The following MUC13 variants were observed in gnomAD, a reference collection of about 807,000 sequenced individuals.
MUC13 encodes mucin-13.
In MUC13, 32 loss-of-function variants were observed where a neutral mutation model predicts 48.3. The ratio of observed to expected loss-of-function variants is 0.66; its 90% CI spans 0.50 to 0.89. The LOEUF is 0.89. MUC13 is among the 40% of genes least tolerant of loss of function. The probability of loss-of-function intolerance (pLI) is 0.00; values close to 1 mark genes in which losing one functional copy is unlikely to be tolerated. For synonymous variants in MUC13, 199 were observed against 224.9 expected (o/e 0.88, Z 1.03); for missense variants, 571 against 622.8 (o/e 0.92, Z 0.88).
intron 3 of MUC13, 114 bp downstream of exon 3, chr3:124,923,413 C>T: frequency 8.6e-7 from 1 of 1,166,836 alleles, no homozygotes; most frequent in Non-Finnish European, 1.2e-6. Context: ...GTTGCCTCTG[C>T]ATTTTCTTTA....
chr3:124,927,789 G>A lies in MUC13; in HGVS notation c.257C>T (p.Ala86Val). ...ACTATGTGTACTAATTATGGGGGGA[G>A]CAGGTGTAGGAATTGTGGAGGAACT... ...THSSSTIPTP[A>V]PPIISTHSSS... is the part of the protein sequence containing the mutation. The change falls in exon 2 of 12, where the codon GCT (alanine) becomes GTT (valine). Residue 86 changes from alanine (A) to valine (V), a missense_variant. Physicochemically the swap from Ala to Val is moderately conservative, Grantham distance 64. Coordinates refer to ENST00000616727, the MANE Select transcript of MUC13 (RefSeq NM_033049.4). 2 of 1,613,108 alleles carry A rather than the reference G, an allele frequency of 1.2e-6. No individual in the cohort carries two copies. Among genetic ancestry groups the A allele is most frequent in the African/African-American group, 1.3e-5 (1 of 74,646 alleles).
intron 1 of MUC13, among the ~76,000 whole-genome samples, chr3:124,934,416 T>A (rs1935849310): frequency 6.6e-6 from 1 of 152,234 alleles, no homozygotes; most frequent in Admixed American, 6.5e-5. Context: ...TGCCTCGGCC[T>A]CCCATATTGC....
chr3:124,933,974 T>C (rs1024575871), intron 1 of MUC13, among the ~76,000 whole-genome samples: 2 of 152,218 alleles, frequency 1.3e-5, no homozygotes, highest in Non-Finnish European at 2.9e-5. Flanking sequence ...TGGTTTAGCA[T>C]TCTCAAATTC....
intron 9 of MUC13, among the ~76,000 whole-genome samples, chr3:124,911,177 C>G (rs920442454): frequency 6.6e-6 from 1 of 152,172 alleles, no homozygotes; most frequent in African/African-American, 2.4e-5. Context: ...TCATCTGTTT[C>G]TTTTTACTTC....
chr3:124,910,521 G>A (rs777130007), intron 9 of MUC13, 22 bp from the exon 10 acceptor site: 4 of 1,613,576 alleles, frequency 2.5e-6, no homozygotes, highest in Admixed American at 3.3e-5. Flanking sequence ...AAGAAAATAA[G>A]AACAGTCTCC....
At chr3:124,925,724 C>A (rs966982911) in intron 2 of MUC13, among the ~76,000 whole-genome samples, 1 of 152,178 alleles carries the variant, frequency 6.6e-6, no homozygotes, top group African/African-American at 2.4e-5. Context: ...AGTGATACTC[C>A]CACTTCAGCC....
intron 10 of MUC13, 127 bp downstream of exon 10, chr3:124,910,288 C>T (rs1024812020): frequency 5.2e-6 from 7 of 1,337,922 alleles, no homozygotes; most frequent in African/African-American, 3.0e-5. Flanking sequence ...AATCCCAGCA[C>T]TTTGGGAGGC....
chr3:124,924,635 A>G (rs1296114261), intron 2 of MUC13, among the ~76,000 whole-genome samples: 1 of 152,204 alleles, frequency 6.6e-6, no homozygotes, highest in Non-Finnish European at 1.5e-5. Context: ...TTATATTTGC[A>G]TAGGTAATTT....
chr3:124,908,340 T>C lies in MUC13; in HGVS notation c.1346A>G (p.Asn449Ser). 6.2e-7 allele frequency: 1 copy of C among 1,614,008 alleles called. No homozygotes were observed. Among genetic ancestry groups the C allele is most frequent in the Non-Finnish European group, 8.5e-7 (1 of 1,179,858 alleles). Residue 449 changes from asparagine (N) to serine (S), a missense_variant, in exon 11 of 12, where the codon AAC (asparagine) becomes AGC (serine). Asn to Ser is a conservative substitution (Grantham distance 46, BLOSUM62 1). Transcript: ENST00000616727. ...IALIVTARSN[N>S]KTKHIEEENL... ...CTCTTCTTCAATATGCTTCGTTTTGTTATTTGATCTGTAATCAGTAAGAGG... is the reference window on the plus strand; with the variant it reads ...CTCTTCTTCAATATGCTTCGTTTTGCTATTTGATCTGTAATCAGTAAGAGG...
intron 2 of MUC13, 108 bp downstream of exon 2, chr3:124,927,424 T>C: frequency 6.0e-6 from 6 of 997,456 alleles, no homozygotes; most frequent in South Asian, 1.6e-5. Context: ...CAAAGAAACC[T>C]TGGGCCTCTT....
intron 5 of MUC13, among the ~76,000 whole-genome samples, chr3:124,917,494 G>A (rs558111480): frequency 4.6e-4 from 70 of 151,744 alleles, no homozygotes; most frequent in African/African-American, 1.6e-3. Flanking sequence ...CCACAGGCAC[G>A]CGCCACCGTG....
At position 124,910,332 on chromosome 3, in the gene MUC13, G is replaced by A. The variant is rs560724524; in HGVS notation, c.1337+83C>T. ...GAGGATGGCTTGAGTTCAGGAGTTCGAGACCAACATGGGCAACATAGTGAG... is the reference window on the plus strand; with the variant it reads ...GAGGATGGCTTGAGTTCAGGAGTTCAAGACCAACATGGGCAACATAGTGAG... On this transcript the variant is annotated intron_variant, in intron 10 of 11. Transcript: ENST00000616727. The A allele has an allele frequency of 8.9e-5, 137 of 1,534,792 alleles. No individual in the cohort carries two copies. The African/African-American group carries it at 1.1e-3, about 12-fold the overall frequency.
At chr3:124,932,208 G>A (rs1368957554) in intron 1 of MUC13, among the ~76,000 whole-genome samples, 1 of 152,164 alleles carries the variant, frequency 6.6e-6, no homozygotes, top group Non-Finnish European at 1.5e-5. Flanking sequence ...ATTTGTTACA[G>A]TGGGTCTGCA....
At chr3:124,916,848 G>A (rs1935519346) in intron 5 of MUC13, among the ~76,000 whole-genome samples, 1 of 152,142 alleles carries the variant, frequency 6.6e-6, no homozygotes, top group Non-Finnish European at 1.5e-5. Context: ...CTTTCTGTAG[G>A]ACAGCAGCTG....
chr3:124,934,396 G>A (rs577539403), intron 1 of MUC13, among the ~76,000 whole-genome samples: 1 of 152,296 alleles, frequency 6.6e-6, no homozygotes, highest in Admixed American at 6.5e-5. Flanking sequence ...CTGACCTCAA[G>A]TGATCCATCT....
Position 124,912,091 on chromosome 3 carries a change from C to G in MUC13, c.1252+13G>C, listed in dbSNP as rs1471921478. The G allele has an allele frequency of 1.2e-6, 2 of 1,611,732 alleles. No individual in the cohort carries two copies. The highest frequency in any genetic ancestry group is 1.1e-5 in the South Asian group (1 of 90,442). ...TAATAACTTGTTTATAATAGCAAGACTTTCATACTCACTGTCCTTACAGTC... is the reference window on the plus strand; with the variant it reads ...TAATAACTTGTTTATAATAGCAAGAGTTTCATACTCACTGTCCTTACAGTC... On this transcript the variant is annotated intron_variant, in intron 9 of 11. Coordinates refer to ENST00000616727, the MANE Select transcript of MUC13 (RefSeq NM_033049.4).
In MUC13 at chr3:124,916,346, C is replaced by T; in HGVS notation, c.935G>A (p.Ser312Asn). Residue 312 changes from serine to asparagine, a missense_variant, in exon 6 of 12, where the codon AGT becomes AAT. Physicochemically the swap from Ser to Asn is conservative, Grantham distance 46. Coordinates refer to ENST00000616727, the MANE Select transcript of MUC13 (RefSeq NM_033049.4). ...VTEKINKAIR[S>N]SSSNFLNYDL... is the part of the protein sequence containing the mutation. ...ATAGTTTAGAAAGTTGCTTGAGCTA[C>T]TTCTAATTGCTTTATTAATTTTCTC... 1 of 1,612,614 alleles carries T rather than the reference C, an allele frequency of 6.2e-7. No homozygotes were observed. The highest frequency in any genetic ancestry group is 1.7e-5 in the Admixed American group (1 of 59,982).
intron 3 of MUC13, 30 bp downstream of exon 3, chr3:124,923,497 C>T (rs1559999972): frequency 1.2e-6 from 2 of 1,605,004 alleles, no homozygotes; most frequent in African/African-American, 1.3e-5. Flanking sequence ...AGATACAGAG[C>T]TCAGCCATGG....
chr3:124,934,369 A>G (rs13063685), intron 1 of MUC13, among the ~76,000 whole-genome samples: 24,362 of 152,124 alleles, frequency 0.16, 2,556 homozygotes, highest in East Asian at 0.56. Flanking sequence ...CATGTTGGCC[A>G]GGGTGGTTTC....
Sources: allele counts gnomAD v4.1 joint callset (sites outside exome capture counted in the v4.1 genomes callset), GRCh38; gene constraint gnomAD v4.1.1; transcripts MANE v1.5; gene names NCBI Gene and HGNC (gene_info 2026-07-23, HGNC 2026-07-21).